Variants in SP4 observed in about 807,000 individuals in gnomAD.
The protein encoded by SP4 is Sp4 transcription factor.
In SP4, 19 loss-of-function variants were observed where a neutral mutation model predicts 72.8. That is an observed-to-expected ratio of 0.26 (90% CI 0.18 to 0.38). The LOEUF (loss-of-function observed/expected upper bound fraction) is 0.38. Among genes scored for constraint, SP4 ranks in the 10% least tolerant of loss-of-function variants. The pLI, the probability that SP4 is intolerant of heterozygous loss-of-function variation, is 1.00. For synonymous variants in SP4, 395 were observed against 333.1 expected (o/e 1.19, Z -2.02); for missense variants, 1,008 against 926.3 (o/e 1.09, Z -1.14).
intron 4 of SP4, among the ~76,000 whole-genome samples, chr7:21,480,560 A>G (rs1021482298): frequency 2.6e-5 from 4 of 152,112 alleles, no homozygotes; most frequent in African/African-American, 9.7e-5. Context: ...TGTTTCTATA[A>G]GGTTGGTAGT....
At chr7:21,474,909 C>T (rs1313386950) in intron 3 of SP4, among the ~76,000 whole-genome samples, 1 of 152,100 alleles carries the variant, frequency 6.6e-6, no homozygotes, top group Non-Finnish European at 1.5e-5. Context: ...ATGGGTGCTA[C>T]CAGAAGGATT....
intron 3 of SP4, among the ~76,000 whole-genome samples, chr7:21,433,752 C>T (rs1782948525): frequency 6.6e-6 from 1 of 152,074 alleles, no homozygotes; most frequent in Non-Finnish European, 1.5e-5. Context: ...ACCAGCCTGA[C>T]CAACATGGAG....
At position 21,511,454 on chromosome 7, in the gene SP4, C is replaced by T; in HGVS notation, c.*185C>T. On this transcript the variant is annotated 3_prime_UTR_variant, in exon 6 of 6. Transcript: ENST00000222584. ...AATTTTAAAAAATACAAAAAGCAGACTGATGTACTGGAAACAGAAAAGTAT... is the reference window on the plus strand; with the variant it reads ...AATTTTAAAAAATACAAAAAGCAGATTGATGTACTGGAAACAGAAAAGTAT... The T allele has an allele frequency of 1.8e-6, 1 of 570,626 alleles. No homozygotes were observed. The highest frequency in any genetic ancestry group is 4.7e-4 in the Middle Eastern group (1 of 2,142). The allele number at this position is 570,626 out of a possible 1,614,324, so 35.3% of individuals were successfully genotyped here. A position where few individuals can be genotyped will look rare whatever the true frequency, so the allele number is the denominator to read the frequency against.
At chr7:21,505,838 C>G (rs1198738029) in intron 5 of SP4, among the ~76,000 whole-genome samples, 1 of 152,122 alleles carries the variant, frequency 6.6e-6, no homozygotes, top group Non-Finnish European at 1.5e-5. Flanking sequence ...CCTCTATTAC[C>G]AGTTGGAGAC....
chr7:21,484,968 A>C (rs1784774227), intron 5 of SP4, among the ~76,000 whole-genome samples: 1 of 151,932 alleles, frequency 6.6e-6, no homozygotes, highest in Non-Finnish European at 1.5e-5. Context: ...TTCATAATCC[A>C]ATATACTTTA....
At chr7:21,443,135 T>C (rs1341037383) in intron 3 of SP4, among the ~76,000 whole-genome samples, 5 of 152,226 alleles carry the variant, frequency 3.3e-5, no homozygotes, top group Non-Finnish European at 2.9e-5. Context: ...GTCTGTGTTA[T>C]ATATGTAAGT....
At chr7:21,441,900 G>A (rs757673079) in intron 3 of SP4, among the ~76,000 whole-genome samples, 55 of 152,010 alleles carry the variant, frequency 3.6e-4, no homozygotes, top group Admixed American at 1.2e-3. Flanking sequence ...CATGTTTTCT[G>A]CCCTCATAGG....
chr7:21,450,000 ATAGT>A (rs1783542295), intron 3 of SP4, among the ~76,000 whole-genome samples: 1 of 151,924 alleles, frequency 6.6e-6, no homozygotes, highest in African/African-American at 2.4e-5. Context: ...AAAATTTAAT[ATAGT>A]TATTTATATT....
At chr7:21,489,553 C>CTTTTTTTT (rs1193080485) in intron 5 of SP4, among the ~76,000 whole-genome samples, 120 of 82,536 alleles carry the variant, frequency 1.5e-3, no homozygotes, top group Non-Finnish European at 2.4e-3. Context: ...TTTCTTTTTT[C>CTTTTTTTT]TTTTTTTTTT....
intron 5 of SP4, among the ~76,000 whole-genome samples, chr7:21,490,895 C>T (rs1475907626): frequency 6.6e-6 from 1 of 152,208 alleles, no homozygotes. Context: ...CAAGATGGAA[C>T]TTTTAGTCTG....
At chr7:21,491,591 T>C (rs1039997542) in intron 5 of SP4, among the ~76,000 whole-genome samples, 2 of 152,020 alleles carry the variant, frequency 1.3e-5, no homozygotes, top group Non-Finnish European at 2.9e-5. Context: ...GAAAACAATA[T>C]CATATTGTAA....
intron 3 of SP4, among the ~76,000 whole-genome samples, chr7:21,455,469 AAAAGAAAAAG>A (rs1157839213): frequency 2.0e-5 from 3 of 152,204 alleles, no homozygotes; most frequent in Non-Finnish European, 4.4e-5. Flanking sequence ...CAGAGGAGGA[AAAAGAAAAAG>A]AAAGCGTCCC....
chr7:21,507,311 G>A (rs1438824762), intron 5 of SP4, among the ~76,000 whole-genome samples: 1 of 152,220 alleles, frequency 6.6e-6, no homozygotes, highest in East Asian at 1.9e-4. Context: ...GGAAGGAATA[G>A]GGAAGTTCTC....
At chr7:21,442,476 A>G (rs1046751715) in intron 3 of SP4, among the ~76,000 whole-genome samples, 1 of 152,232 alleles carries the variant, frequency 6.6e-6, no homozygotes, top group Admixed American at 6.5e-5. Context: ...TCTAATATCT[A>G]TATATGTCAT....
chr7:21,469,492 G>A (rs994409932), intron 3 of SP4, among the ~76,000 whole-genome samples: 7 of 151,356 alleles, frequency 4.6e-5, no homozygotes, highest in Non-Finnish European at 2.9e-5. Context: ...AAAATAGGTA[G>A]AAAGGGAGAA....
chr7:21,467,176 A>G (rs1357518927), intron 3 of SP4, among the ~76,000 whole-genome samples: 1 of 152,062 alleles, frequency 6.6e-6, no homozygotes, highest in Non-Finnish European at 1.5e-5. Context: ...TCTACTCACT[A>G]TATACCAGTA....
At chr7:21,433,914 G>A (rs576499347) in intron 3 of SP4, among the ~76,000 whole-genome samples, 1 of 151,994 alleles carries the variant, frequency 6.6e-6, no homozygotes, top group Admixed American at 6.5e-5. Flanking sequence ...TTGCACTTCA[G>A]CCTGGGCAAC....
At chr7:21,433,041 G>A (rs372434258) in intron 3 of SP4, among the ~76,000 whole-genome samples, 130 of 152,328 alleles carry the variant, frequency 8.5e-4, no homozygotes, top group Middle Eastern at 3.4e-3. Context: ...CTGGTCATCA[G>A]CAGTGAACCA....
intron 3 of SP4, among the ~76,000 whole-genome samples, chr7:21,465,270 A>C (rs994066409): frequency 2.6e-5 from 4 of 152,208 alleles, no homozygotes; most frequent in Admixed American, 6.5e-5. Context: ...AATACCTTCA[A>C]GCATCAGAAT....
Sources: gnomAD v4.1 joint callset for allele counts (sites outside exome capture counted in the v4.1 genomes callset) on GRCh38, gnomAD v4.1.1 for gene constraint, MANE v1.5 for transcripts, NCBI Gene and HGNC (gene_info 2026-07-23, HGNC 2026-07-21) for gene names.